HMCN2: variants seen among roughly 807,000 people sequenced by gnomAD.
HMCN2 encodes the protein hemicentin 2, also known as hemicentin-2.
HMCN2 carries 325 observed loss-of-function variants against 377.5 expected under a neutral mutation model. That is an observed-to-expected ratio of 0.86 (90% CI 0.79 to 0.94). HMCN2 has a LOEUF of 0.94. HMCN2 is among the 40% of genes least tolerant of loss of function. HMCN2 has a pLI of 0.00. For synonymous variants in HMCN2, 2,007 were observed against 2,046.8 expected, an observed-to-expected ratio of 0.98 and a Z score of 0.53; for missense variants, 4,543 against 4,725.3, an observed-to-expected ratio of 0.96 and a Z score of 1.13.
At position 130,349,134 on chromosome 9, in the gene HMCN2, G is replaced by A. The variant is rs2131512894; in HGVS notation, c.4303+3G>A. The A allele has an allele frequency of 7.7e-7, 1 of 1,303,720 alleles. No individual in the cohort carries two copies. Among genetic ancestry groups the A allele is most frequent in the Non-Finnish European group, 1.0e-6 (1 of 988,694 alleles). The allele number at this position is 1,303,720 out of a possible 1,614,324, so 80.8% of individuals were successfully genotyped here. A position where few individuals can be genotyped will look rare whatever the true frequency, so the allele number is the denominator to read the frequency against. On this transcript the variant is annotated splice_donor_region_variant and intron_variant, in intron 28 of 97. Coordinates refer to ENST00000683500, the MANE Select transcript of HMCN2 (RefSeq NM_001291815.2). Reference sequence around the variant, plus strand: ...GGACTTCCATCTCCTTGTGCTCAGTGAGTGAGACCTGAGCCCTGTAACTCC... The same window carrying A: ...GGACTTCCATCTCCTTGTGCTCAGTAAGTGAGACCTGAGCCCTGTAACTCC...
intron 95 of HMCN2, 174 bp from the exon 96 acceptor site, chr9:130,431,193 C>T (rs1844728361): frequency 1.5e-6 from 1 of 660,280 alleles, no homozygotes; most frequent in African/African-American, 1.8e-5. Flanking sequence ...TCCCTCTCAG[C>T]AAGCACAGGG....
rs1836096401 is a variant in HMCN2 at position 130,295,709 on chromosome 9, C to T, written c.828C>T (p.Asn276=). Residue 276 remains asparagine (N), a synonymous_variant, in exon 6 of 98, where the codon AAC becomes AAT. Coordinates refer to ENST00000683500, the MANE Select transcript of HMCN2 (RefSeq NM_001291815.2). ...QEDEGLNVLL[N]IPDSAKVVAF... ...ACGAGGGCCTCAACGTGCTTCTCAA[C>T]ATCCCTGACTCGGCCAAGGTCGTAG... 1 of 471,116 alleles carries T rather than the reference C, an allele frequency of 2.1e-6. No individual in the cohort carries two copies. Among genetic ancestry groups the T allele is most frequent in the Non-Finnish European group, 4.4e-6 (1 of 227,028 alleles). 29.2% of individuals were successfully genotyped at this position (471,116 alleles called of 1,614,324 possible).
chr9:130,336,922 G>A (rs1036625285), intron 22 of HMCN2, among the ~76,000 whole-genome samples: 37 of 152,240 alleles, frequency 2.4e-4, no homozygotes, highest in Middle Eastern at 6.8e-3. Context: ...TGCAGAGGAG[G>A]AAATTGAAGC....
At chr9:130,349,180 G>A (rs1454437050) in intron 28 of HMCN2, 49 bp downstream of exon 28, 13 of 1,285,754 alleles carry the variant, frequency 1.0e-5, no homozygotes, top group South Asian at 1.3e-5. Flanking sequence ...TGGCCCTGTA[G>A]CCCCAACTCT....
chr9:130,266,431 C>G (rs1554919056), intron 1 of HMCN2, among the ~76,000 whole-genome samples: 2 of 152,236 alleles, frequency 1.3e-5, no homozygotes, highest in Non-Finnish European at 2.9e-5. Flanking sequence ...CGCGCCTTAC[C>G]GGCCCCACCT....
At chr9:130,411,717 A>C (rs80112944) in intron 85 of HMCN2, among the ~76,000 whole-genome samples, 1 of 152,174 alleles carries the variant, frequency 6.6e-6, no homozygotes, top group Admixed American at 6.5e-5. Context: ...AAAGAAACAA[A>C]CACTGTATGA....
intron 61 of HMCN2, among the ~76,000 whole-genome samples, chr9:130,387,374 G>A (rs981189306): frequency 6.6e-6 from 1 of 152,188 alleles, no homozygotes; most frequent in African/African-American, 2.4e-5. Context: ...TCGGCTCCAT[G>A]CGGTAGTTAA....
chr9:130,284,879 G>A (rs1260717765), intron 2 of HMCN2, among the ~76,000 whole-genome samples: 2 of 152,228 alleles, frequency 1.3e-5, no homozygotes, highest in Non-Finnish European at 2.9e-5. Flanking sequence ...TCACGGTGCT[G>A]GGCTTATTGG....
At chr9:130,410,938 C>T (rs1213554408) in intron 85 of HMCN2, among the ~76,000 whole-genome samples, 1 of 152,144 alleles carries the variant, frequency 6.6e-6, no homozygotes, top group Non-Finnish European at 1.5e-5. Context: ...TGCCAAGCAG[C>T]TCGTAGTTTA....
At chr9:130,278,465 G>A (rs1416162768) in intron 1 of HMCN2, among the ~76,000 whole-genome samples, 2 of 152,090 alleles carry the variant, frequency 1.3e-5, no homozygotes, top group African/African-American at 4.8e-5. Flanking sequence ...GTGGCAAAGG[G>A]AACAGGCATT....
At chr9:130,358,674 C>T (rs1217838317) in intron 36 of HMCN2, among the ~76,000 whole-genome samples, 188 bp downstream of exon 36, 2 of 146,164 alleles carry the variant, frequency 1.4e-5, no homozygotes, top group South Asian at 2.1e-4. Flanking sequence ...TCCCTTTTGG[C>T]GGGATTTTTT....
intron 39 of HMCN2, 82 bp downstream of exon 39, chr9:130,362,247 T>C (rs1840425975): frequency 1.1e-6 from 1 of 928,930 alleles, no homozygotes; most frequent in African/African-American, 1.8e-5. Flanking sequence ...CCTGGGAACT[T>C]AGGGTGAGGG....
At chr9:130,321,293 C>T (rs1269889611) in intron 18 of HMCN2, among the ~76,000 whole-genome samples, 3 of 148,128 alleles carry the variant, frequency 2.0e-5, no homozygotes, top group Non-Finnish European at 3.0e-5. Context: ...GACACCGGCG[C>T]GCGCTGAACG....
Position 130,394,099 on chromosome 9 carries a change from T to C in HMCN2, c.10501+91T>C. 1.9e-5 allele frequency: 21 copies of C among 1,093,242 alleles called. No individual in the cohort carries two copies. The highest frequency in any genetic ancestry group is 3.3e-5 in the African/African-American group (2 of 60,142). 67.7% of individuals were successfully genotyped at this position (1,093,242 alleles called of 1,614,324 possible). On this transcript the variant is annotated intron_variant, in intron 68 of 97. Transcript: ENST00000683500. This position sits in a 1 kb window ranked among gnomAD's most constrained non-coding sequence, Gnocchi z 5.1. ...TGGGAAGGACAGTGAGGGAGGTGAG[T>C]CCCCTGGAGACCTGGGACTGCCACC...
At chr9:130,349,972 A>G (rs1205794141) in intron 29 of HMCN2, among the ~76,000 whole-genome samples, 1 of 127,884 alleles carries the variant, frequency 7.8e-6, no homozygotes, top group Non-Finnish European at 1.5e-5. Context: ...ATCTCAGCTC[A>G]CTGCAGCCTC....
intron 95 of HMCN2, chr9:130,431,074 C>T (rs1163287061): frequency 5.7e-6 from 3 of 523,978 alleles, no homozygotes; most frequent in Non-Finnish European, 1.0e-5. Context: ...AGGTGGCCTG[C>T]CCCAGGGCTG....
intron 15 of HMCN2, among the ~76,000 whole-genome samples, chr9:130,312,245 C>G (rs937928025): frequency 0.021 from 3,241 of 152,020 alleles, 50 homozygotes; most frequent in Middle Eastern, 0.037. Flanking sequence ...GCGCTGCTTA[C>G]GTCTGCAAGC....
At chr9:130,413,024 C>A (rs1431258755) in intron 85 of HMCN2, among the ~76,000 whole-genome samples, 2 of 152,084 alleles carry the variant, frequency 1.3e-5, no homozygotes, top group Non-Finnish European at 2.9e-5. Flanking sequence ...TCTTGAATTT[C>A]TTTCAGTGAT....
chr9:130,377,503 T>G, intron 52 of HMCN2, 146 bp from the exon 53 acceptor site: 2 of 247,112 alleles, frequency 8.1e-6, no homozygotes, highest in Non-Finnish European at 1.3e-5. Context: ...GCTCTATGGA[T>G]TTGGTTTTAT....
Sources: allele counts gnomAD v4.1 joint callset (sites outside exome capture counted in the v4.1 genomes callset), GRCh38; gene constraint gnomAD v4.1.1; non-coding constraint Gnocchi (gnomAD v3.1); transcripts MANE v1.5; gene names NCBI Gene and HGNC (gene_info 2026-07-23, HGNC 2026-07-21).